The following NAA60 variants were observed in gnomAD, a reference collection of about 807,000 sequenced individuals.
NAA60 encodes N-alpha-acetyltransferase 60.
In NAA60, 8 loss-of-function variants were observed where a neutral mutation model predicts 26.1. The observed-to-expected ratio is 0.31, with a 90% CI of 0.18 to 0.55. The LOEUF is 0.55. Among genes scored for constraint, NAA60 ranks in the 20% least tolerant of loss-of-function variants. The pLI is 0.93. For synonymous variants in NAA60, 131 were observed against 122.5 expected (o/e 1.07, Z -0.46); for missense variants, 290 against 311.3 (o/e 0.93, Z 0.51).
intron 2 of NAA60, among the ~76,000 whole-genome samples, chr16:3,461,622 C>CA (rs550691446): frequency 5.5e-4 from 84 of 152,300 alleles, no homozygotes; most frequent in African/African-American, 1.9e-3. Flanking sequence ...AACCCCCATA[C>CA]ACTTGGAATA....
chr16:3,475,472 C>T lies in NAA60; in HGVS notation c.-6-750C>T, dbSNP rs879919097. ...CCCTTCTCGGTGCCCAGCACTTGGCCGGCCAGCCTTCCTCCCTCCATTCCT... is the reference window on the plus strand; with the variant it reads ...CCCTTCTCGGTGCCCAGCACTTGGCTGGCCAGCCTTCCTCCCTCCATTCCT... On this transcript the variant is annotated intron_variant, in intron 2 of 7. Transcript: ENST00000407558. Among the ~76,000 whole-genome samples the T allele has an allele frequency of 4.6e-5, 7 of 152,080 alleles. No individual in the cohort carries two copies. In the East Asian group the frequency reaches 5.8e-4, roughly 13 times the overall value.
chr16:3,471,472 C>T (rs2036139830), intron 2 of NAA60, among the ~76,000 whole-genome samples: 1 of 152,148 alleles, frequency 6.6e-6, no homozygotes, highest in Non-Finnish European at 1.5e-5. Flanking sequence ...CAGTGCACTC[C>T]AGCCTTGGGG....
intron 1 of NAA60, among the ~76,000 whole-genome samples, chr16:3,444,429 C>T (rs925969071): frequency 1.3e-5 from 2 of 151,808 alleles, no homozygotes; most frequent in South Asian, 2.1e-4. Context: ...AAGAAATTGC[C>T]AGTTTATAAA....
chr16:3,450,439 G>T (rs1461871897), intron 2 of NAA60, among the ~76,000 whole-genome samples: 4 of 152,182 alleles, frequency 2.6e-5, no homozygotes, highest in Non-Finnish European at 4.4e-5. Flanking sequence ...AGTGGCTCAT[G>T]CCTGTAATCC....
rs2034635986 is a variant in NAA60, at chr16:3,448,290, A to C, written c.-76-181A>C. ...CCTTGTCTCAAAAAAAAAAAAAAAA[A>C]AAACATGGGTTGCTTTGTAGTTTAG... On this transcript the variant is annotated intron_variant, in intron 1 of 7. Transcript: ENST00000407558. Among the ~76,000 whole-genome samples, 6 of 151,350 alleles carry C rather than the reference A, an allele frequency of 4.0e-5. No individual in the cohort carries two copies. In the South Asian group the frequency reaches 1.3e-3, roughly 32 times the overall value.
chr16:3,448,426 A>C, intron 1 of NAA60, 45 bp from the exon 2 acceptor site: 1 of 1,485,590 alleles, frequency 6.7e-7, no homozygotes, highest in African/African-American at 1.4e-5. Flanking sequence ...TAGAGATGGG[A>C]TGGCCAGGAG....
At chr16:3,474,759 T>G (rs909018863) in intron 2 of NAA60, among the ~76,000 whole-genome samples, 1 of 152,220 alleles carries the variant, frequency 6.6e-6, no homozygotes. Flanking sequence ...CTTTCCTGAT[T>G]GTTGTTTGAC....
At chr16:3,459,005 G>A (rs1243196419) in intron 2 of NAA60, among the ~76,000 whole-genome samples, 1 of 152,142 alleles carries the variant, frequency 6.6e-6, no homozygotes, top group African/African-American at 2.4e-5. Context: ...CAGTAAACGT[G>A]GACATTGGCC....
chr16:3,458,893 T>C (rs76717313), intron 2 of NAA60, among the ~76,000 whole-genome samples: 2 of 151,898 alleles, frequency 1.3e-5, no homozygotes, highest in African/African-American at 4.8e-5. Context: ...CTGGGAAAAT[T>C]TGGGGGTAAG....
intron 2 of NAA60, among the ~76,000 whole-genome samples, chr16:3,473,302 G>A (rs1284238455): frequency 2.0e-5 from 3 of 152,162 alleles, no homozygotes; most frequent in Non-Finnish European, 4.4e-5. Flanking sequence ...CAGGTTTAAT[G>A]GACTCACGGT....
intron 4 of NAA60, among the ~76,000 whole-genome samples, chr16:3,481,239 G>A (rs923795958): frequency 3.3e-5 from 5 of 151,998 alleles, no homozygotes; most frequent in Admixed American, 6.6e-5. Context: ...TTAGACGTGC[G>A]CCACCACACC....
Position 3,485,510 on chromosome 16 carries a change from G to A in NAA60, c.*250G>A, listed in dbSNP as rs1008905738. On this transcript the variant is annotated 3_prime_UTR_variant, in exon 8 of 8. Transcript: ENST00000407558. ...CTGCTTCTGGAAACCTCTGCCTGCT[G>A]CCCTGGCCCTGCCCCCCTGCGCATG... 2.2e-6 allele frequency: 1 copy of A among 456,114 alleles called. No individual in the cohort carries two copies. The allele number at this position is 456,114 out of a possible 1,614,324, so 28.3% of individuals were successfully genotyped here. A position where few individuals can be genotyped will look rare whatever the true frequency, so the allele number is the denominator to read the frequency against.
intron 6 of NAA60, among the ~76,000 whole-genome samples, chr16:3,484,248 G>T (rs2037032470): frequency 6.6e-6 from 1 of 152,158 alleles, no homozygotes; most frequent in Admixed American, 6.6e-5. Context: ...GGAAAGAGAG[G>T]GGTGACCCCA....
chr16:3,475,370 G>A (rs574570279), intron 2 of NAA60, among the ~76,000 whole-genome samples: 4 of 151,984 alleles, frequency 2.6e-5, no homozygotes, highest in South Asian at 2.1e-4. Context: ...GATTACAGGC[G>A]TGAGCCATCA....
At chr16:3,470,986 A>G (rs1204587007) in intron 2 of NAA60, among the ~76,000 whole-genome samples, 2 of 151,966 alleles carry the variant, frequency 1.3e-5, no homozygotes, top group Non-Finnish European at 2.9e-5. Flanking sequence ...ATCGAGTGTA[A>G]AGAACTGGCC....
chr16:3,471,838 T>C (rs1221579970), intron 2 of NAA60, among the ~76,000 whole-genome samples: 1 of 152,146 alleles, frequency 6.6e-6, no homozygotes, highest in Non-Finnish European at 1.5e-5. Context: ...CCGTGCTGGT[T>C]CCTGTAGCAA....
intron 1 of NAA60, chr16:3,447,406 G>C: frequency 1.1e-6 from 1 of 928,344 alleles, no homozygotes; most frequent in Non-Finnish European, 1.3e-6. Flanking sequence ...GGTAAATGGG[G>C]TATCTTCCCT....
At chr16:3,456,267 C>A (rs1272219803) in intron 2 of NAA60, among the ~76,000 whole-genome samples, 1 of 152,128 alleles carries the variant, frequency 6.6e-6, no homozygotes, top group East Asian at 1.9e-4. Flanking sequence ...CAACTGAGTC[C>A]TGAGGTTCTG....
chr16:3,457,286 A>G (rs1375183405), intron 2 of NAA60, among the ~76,000 whole-genome samples: 2 of 150,884 alleles, frequency 1.3e-5, no homozygotes, highest in Non-Finnish European at 2.9e-5. Context: ...ATCCCTACAA[A>G]AAAACAAAAA....
Sources: gnomAD v4.1 joint callset for allele counts (sites outside exome capture counted in the v4.1 genomes callset) on GRCh38, gnomAD v4.1.1 for gene constraint, MANE v1.5 for transcripts, NCBI Gene and HGNC (gene_info 2026-07-23, HGNC 2026-07-21) for gene names.